The following ABLIM1 variants were observed in gnomAD, a reference collection of about 807,000 sequenced individuals.
ABLIM1 encodes the protein actin binding LIM protein 1.
ABLIM1 carries 40 observed loss-of-function variants against 107.0 expected under a neutral mutation model. That is an observed-to-expected ratio of 0.37 (90% CI 0.29 to 0.49). The LOEUF is 0.49. ABLIM1 is among the 20% of genes least tolerant of loss of function. The probability of loss-of-function intolerance (pLI) is 0.97; values close to 1 mark genes in which losing one functional copy is unlikely to be tolerated. For missense variants in ABLIM1, 857 were observed against 1,008.5 expected, an observed-to-expected ratio of 0.85 and a Z score of 2.04; for synonymous variants, 357 against 357.3, an observed-to-expected ratio of 1.00 and a Z score of 0.01.
chr10:114,565,123 G>T (rs1424881597), intron 4 of ABLIM1, among the ~76,000 whole-genome samples: 2 of 152,204 alleles, frequency 1.3e-5, no homozygotes, highest in Non-Finnish European at 2.9e-5. Context: ...CTACTCTTCA[G>T]CAGTTCCCTG....
chr10:114,487,012 C>T (rs558228259), intron 8 of ABLIM1, among the ~76,000 whole-genome samples: 32 of 152,312 alleles, frequency 2.1e-4, no homozygotes, highest in Non-Finnish European at 4.1e-4. Flanking sequence ...GAATGGGTCT[C>T]GTTGATAATC....
intron 1 of ABLIM1, among the ~76,000 whole-genome samples, chr10:114,724,703 G>C (rs540286689): frequency 1.7e-4 from 26 of 152,270 alleles, no homozygotes; most frequent in African/African-American, 6.3e-4. Context: ...TTCCTCTCAC[G>C]AGAACAGCAG....
At chr10:114,467,721 A>G (rs370806939) in intron 11 of ABLIM1, among the ~76,000 whole-genome samples, 2 of 152,220 alleles carry the variant, frequency 1.3e-5, no homozygotes, top group African/African-American at 4.8e-5. Context: ...CAGTTTCATA[A>G]TATCCAGAAA....
chr10:114,704,302 CTATATATA>C (rs369952218), intron 1 of ABLIM1, among the ~76,000 whole-genome samples: 3,069 of 42,922 alleles, frequency 0.072, 132 homozygotes, highest in African/African-American at 0.15. Flanking sequence ...CTCTCTCTCT[CTATATATA>C]TATATATATA....
chr10:114,631,788 C>T (rs1467134446), intron 1 of ABLIM1: 3 of 1,140,184 alleles, frequency 2.6e-6, no homozygotes, highest in Non-Finnish European at 3.4e-6. Context: ...GAGCTTCTCA[C>T]ACCGAGAACA....
intron 4 of ABLIM1, among the ~76,000 whole-genome samples, chr10:114,568,757 A>G (rs1453092383): frequency 6.6e-6 from 1 of 152,254 alleles, no homozygotes; most frequent in Non-Finnish European, 1.5e-5. Flanking sequence ...GAAGCAAAGG[A>G]GAAAATACAA....
intron 21 of ABLIM1, among the ~76,000 whole-genome samples, chr10:114,438,562 A>G (rs1458198702): frequency 6.6e-6 from 1 of 152,176 alleles, no homozygotes; most frequent in African/African-American, 2.4e-5. Flanking sequence ...TGCCCAGCCA[A>G]TGTGTTACCT....
intron 1 of ABLIM1, among the ~76,000 whole-genome samples, chr10:114,764,011 G>A (rs1251773922): frequency 6.6e-6 from 1 of 152,118 alleles, no homozygotes; most frequent in East Asian, 1.9e-4. Flanking sequence ...TATCTTTAGT[G>A]TTTAGAAACC....
chr10:114,663,308 C>T (rs138938512), intron 1 of ABLIM1, among the ~76,000 whole-genome samples: 7 of 152,318 alleles, frequency 4.6e-5, no homozygotes, highest in African/African-American at 1.7e-4. Context: ...TATTTGTAAT[C>T]CTGCCTTGCA....
chr10:114,799,849 C>T, the ABLIM1 span, among the ~76,000 whole-genome samples: 121 of 152,242 alleles, frequency 7.9e-4, 2 homozygotes, highest in African/African-American at 2.7e-3. Flanking sequence ...CATCTTGGCT[C>T]ACTGCAACCT....
intron 1 of ABLIM1, among the ~76,000 whole-genome samples, chr10:114,726,899 A>C (rs113035810): frequency 0.01 from 1,578 of 152,310 alleles, 23 homozygotes; most frequent in African/African-American, 0.035. Context: ...TGGGGGCTAC[A>C]TTTCAACCTG....
At chr10:114,636,931 G>A (rs2078508317) in intron 1 of ABLIM1, among the ~76,000 whole-genome samples, 1 of 151,762 alleles carries the variant, frequency 6.6e-6, no homozygotes, top group Admixed American at 6.6e-5. Context: ...TACTTGGGAG[G>A]CTGAGGCAGG....
At chr10:114,794,345 T>C in the ABLIM1 span, among the ~76,000 whole-genome samples, 1 of 152,240 alleles carries the variant, frequency 6.6e-6, no homozygotes, top group East Asian at 1.9e-4. Flanking sequence ...CATGAAAACA[T>C]AGACTTCGTA....
intron 1 of ABLIM1, chr10:114,631,828 C>G (rs1591668957): frequency 1.6e-6 from 2 of 1,288,638 alleles, no homozygotes; most frequent in Non-Finnish European, 2.0e-6. Context: ...TGATCATTCC[C>G]CGTTAGGTGG....
At chr10:114,735,918 A>G (rs1234505305) in intron 1 of ABLIM1, among the ~76,000 whole-genome samples, 1 of 152,244 alleles carries the variant, frequency 6.6e-6, no homozygotes, top group Non-Finnish European at 1.5e-5. Flanking sequence ...TAAAGAGACT[A>G]GGTGAAAGAA....
In ABLIM1 at chr10:114,493,469, AAAGACAGGAAC is replaced by A. The variant is rs1391581305; in HGVS notation, c.895-1602_895-1592del. The stretch of plus-strand genomic sequence containing the variant: ...GTGAAACGTTCGAGGCATTCTCATT[AAAGACAGGAAC>A]AAGACAAAGGTGTACACTTTTACCA... On this transcript the variant is annotated intron_variant, in intron 6 of 22. Transcript: ENST00000533213. Among the ~76,000 whole-genome samples, 3 of 152,338 alleles carry A rather than the reference AAAGACAGGAAC, an allele frequency of 2.0e-5. No homozygotes were observed. In the South Asian group the frequency reaches 6.2e-4, roughly 32 times the overall value.
chr10:114,690,609 G>C, intron 1 of ABLIM1: 2 of 812,944 alleles, frequency 2.5e-6, no homozygotes, highest in East Asian at 4.8e-5. Context: ...ACCATTGATG[G>C]CAATGTTGAA....
At chr10:114,676,439 T>G (rs957079806) in intron 1 of ABLIM1, among the ~76,000 whole-genome samples, 1 of 151,866 alleles carries the variant, frequency 6.6e-6, no homozygotes, top group Non-Finnish European at 1.5e-5. Flanking sequence ...ATCGCGACAC[T>G]GCACTCCAGC....
chr10:114,468,657 C>T (rs943012720), intron 10 of ABLIM1, among the ~76,000 whole-genome samples: 1 of 152,190 alleles, frequency 6.6e-6, no homozygotes, highest in Non-Finnish European at 1.5e-5. Flanking sequence ...CCCTCCACAT[C>T]TCCCTGTCTT....
Sources: allele counts gnomAD v4.1 joint callset (sites outside exome capture counted in the v4.1 genomes callset), GRCh38; gene constraint gnomAD v4.1.1; transcripts MANE v1.5; gene names NCBI Gene and HGNC (gene_info 2026-07-23, HGNC 2026-07-21).